The following TAB2 variants were observed in gnomAD, a reference collection of about 807,000 sequenced individuals.
TAB2 encodes TGF-beta activated kinase 1 (MAP3K7) binding protein 2, also known as TGF-beta-activated kinase 1 and MAP3K7-binding protein 2.
Under a neutral mutation model 65.0 loss-of-function variants are expected in TAB2, and 3 were observed. The observed-to-expected ratio is 0.05, with a 90% CI of 0.02 to 0.12. The LOEUF (loss-of-function observed/expected upper bound fraction) is 0.12, where lower values mean the gene tolerates loss of function less well. Among genes scored for constraint, TAB2 ranks in the 10% least tolerant of loss-of-function variants. TAB2 has a pLI of 1.00. For synonymous variants in TAB2, 298 were observed against 285.1 expected (o/e 1.05, Z -0.46); for missense variants, 623 against 840.3 (o/e 0.74, Z 3.20).
intron 1 of TAB2, among the ~76,000 whole-genome samples, chr6:149,309,294 C>G (rs1377483559): frequency 6.6e-6 from 1 of 152,106 alleles, no homozygotes; most frequent in Admixed American, 6.5e-5. Context: ...TTTACATATA[C>G]TTTTGCAAAC....
At chr6:149,328,105 T>A (rs185749568) in intron 1 of TAB2, among the ~76,000 whole-genome samples, 1 of 152,312 alleles carries the variant, frequency 6.6e-6, no homozygotes, top group East Asian at 1.9e-4. Flanking sequence ...GGTAGAAGAT[T>A]GAAGTGGTCA....
In TAB2 at chr6:149,403,265, TATATATATATATATATATACAC is replaced by T. The variant is rs1338312224; in HGVS notation, c.1939+4083_1939+4104del. 3.5e-3 allele frequency among the ~76,000 whole-genome samples: 156 copies of T among 45,012 alleles called. 10 individuals carry two copies. Among genetic ancestry groups the T allele is most frequent in the African/African-American group, 0.019 (144 of 7,492 alleles). The allele number at this position is 45,012 out of a possible 152,430, so 29.5% of individuals were successfully genotyped here. On this transcript the variant is annotated intron_variant, in intron 6 of 6. Coordinates refer to ENST00000637181, the MANE Select transcript of TAB2 (RefSeq NM_001292034.3). ...AAAAAAAAATATATATATATATATA[TATATATATATATATATATACAC>T]ACACACACATATATATATATATATA...
intron 2 of TAB2, among the ~76,000 whole-genome samples, chr6:149,375,717 A>C (rs1313047837): frequency 6.6e-6 from 1 of 152,210 alleles, no homozygotes; most frequent in Non-Finnish European, 1.5e-5. Context: ...AAAAGGGCCA[A>C]TCAGGTTTGG....
intron 1 of TAB2, among the ~76,000 whole-genome samples, chr6:149,356,834 G>A (rs751381222): frequency 5.3e-5 from 8 of 152,100 alleles, no homozygotes; most frequent in Non-Finnish European, 8.8e-5. Flanking sequence ...TTAGGATTTT[G>A]TTTTTGTTTG....
At chr6:149,305,598 GAA>G (rs796495585) in intron 1 of TAB2, among the ~76,000 whole-genome samples, 1 of 142,510 alleles carries the variant, frequency 7.0e-6, no homozygotes, top group South Asian at 2.2e-4. Flanking sequence ...GTAGTTCAAA[GAA>G]AAAAAAAAAC....
At chr6:149,300,929 C>T (rs1267650578) in intron 1 of TAB2, among the ~76,000 whole-genome samples, 4 of 152,174 alleles carry the variant, frequency 2.6e-5, no homozygotes, top group African/African-American at 9.7e-5. Context: ...TTCAACTTGG[C>T]AAAAATGAAC....
At chr6:149,315,290 TTTAA>T (rs1468141045), upstream of TAB2, among the ~76,000 whole-genome samples, 1 of 152,206 alleles carries the variant, frequency 6.6e-6, no homozygotes, top group East Asian at 1.9e-4. Flanking sequence ...TTCACCAATT[TTTAA>T]TTGTTTTATT....
At chr6:149,286,685 T>C (rs1412744382) in intron 1 of TAB2, among the ~76,000 whole-genome samples, 2 of 152,232 alleles carry the variant, frequency 1.3e-5, no homozygotes, top group Non-Finnish European at 2.9e-5. Flanking sequence ...GACTCAGTTA[T>C]CACAATAGGG....
In TAB2 at chr6:149,403,246, AAATATATAT is replaced by A. The variant is rs1409488037; in HGVS notation, c.1939+4064_1939+4072del. 1.5e-3 allele frequency among the ~76,000 whole-genome samples: 48 copies of A among 31,694 alleles called. 2 individuals are homozygous for A. The highest frequency in any genetic ancestry group is 7.3e-3 in the African/African-American group (41 of 5,604). 20.8% of individuals were successfully genotyped at this position (31,694 alleles called of 152,430 possible). On this transcript the variant is annotated intron_variant, in intron 6 of 6. Coordinates refer to ENST00000637181, the MANE Select transcript of TAB2 (RefSeq NM_001292034.3). ...CGAAACTCTTGTCTAAAAAAAAAAA[AAATATATAT>A]ATATATATATATATATATATATATA...
chr6:149,366,274 G>A (rs1006187914), intron 1 of TAB2, among the ~76,000 whole-genome samples: 1 of 152,180 alleles, frequency 6.6e-6, no homozygotes, highest in Non-Finnish European at 1.5e-5. Flanking sequence ...TACACTTAAA[G>A]TATAAGCTCT....
chr6:149,384,830 C>A (rs966274135), intron 3 of TAB2, among the ~76,000 whole-genome samples: 7 of 151,904 alleles, frequency 4.6e-5, no homozygotes, highest in Admixed American at 3.3e-4. Context: ...GAGAAAAAGG[C>A]CTACTTTCTT....
intron 1 of TAB2, among the ~76,000 whole-genome samples, chr6:149,248,111 G>A (rs889708620): frequency 2.6e-5 from 4 of 152,208 alleles, no homozygotes; most frequent in Non-Finnish European, 4.4e-5. Flanking sequence ...ACATTCTAAG[G>A]TCAGGCATGG....
Position 149,254,059 on chromosome 6 carries a change from G to GAGGAAGGAAGGAAGGAAGGAAGGA in TAB2, c.-121+35316_-121+35339dup, listed in dbSNP as rs202028741. Among the ~76,000 whole-genome samples the GAGGAAGGAAGGAAGGAAGGAAGGA allele has an allele frequency of 1.3e-4, 13 of 103,732 alleles. 1 individual carries two copies. In the East Asian group the frequency reaches 1.6e-3, roughly 13 times the overall value. The allele number at this position is 103,732 out of a possible 152,430, so 68.1% of individuals were successfully genotyped here. On this transcript the variant is annotated intron_variant, in intron 1 of 1. Coordinates refer to the TAB2 transcript ENST00000606202. Reference sequence around the variant, plus strand: ...AGAGAGAAAGAAAGAGGGAGAGAGGGAGGAAGGAAGGAAGGAAGGAAGGAA... The same window carrying GAGGAAGGAAGGAAGGAAGGAAGGA: ...AGAGAGAAAGAAAGAGGGAGAGAGGGAGGAAGGAAGGAAGGAAGGAAGGAAGGAAGGAAGGAAGGAAGGAAGGAA...
chr6:149,320,238 G>C (rs1019141551), intron 1 of TAB2, among the ~76,000 whole-genome samples: 1 of 152,040 alleles, frequency 6.6e-6, no homozygotes, highest in Non-Finnish European at 1.5e-5. Context: ...CACCACGCCC[G>C]GCTAATTTTT....
chr6:149,375,045 A>G (rs1464376919), intron 2 of TAB2, among the ~76,000 whole-genome samples: 5 of 152,242 alleles, frequency 3.3e-5, no homozygotes, highest in Admixed American at 3.3e-4. Flanking sequence ...ATATTAGGTG[A>G]TGCTAAGAAT....
chr6:149,371,087 A>C (rs1444212870), intron 2 of TAB2, among the ~76,000 whole-genome samples: 2 of 151,300 alleles, frequency 1.3e-5, no homozygotes, highest in African/African-American at 4.9e-5. Context: ...AAAAAAAAAA[A>C]AAAGTGTCCG....
chr6:149,270,732 A>G (rs956145852), intron 1 of TAB2, among the ~76,000 whole-genome samples: 7 of 152,232 alleles, frequency 4.6e-5, no homozygotes, highest in Non-Finnish European at 8.8e-5. Context: ...ACATGGCACC[A>G]GTGATGTATT....
At chr6:149,243,289 G>T (rs946577974) in intron 1 of TAB2, 1 of 152,198 alleles carries the variant, frequency 6.6e-6, no homozygotes, top group Non-Finnish European at 1.5e-5. Flanking sequence ...CTCTCCAGAC[G>T]TAAATGTTAT....
intron 1 of TAB2, among the ~76,000 whole-genome samples, chr6:149,263,353 AT>A (rs955033549): frequency 4.6e-5 from 7 of 152,096 alleles, no homozygotes; most frequent in Admixed American, 6.6e-5. Context: ...TATCGAAACA[AT>A]TTTTTTTACC....
Sources: gnomAD v4.1 joint callset for allele counts (sites outside exome capture counted in the v4.1 genomes callset) on GRCh38, gnomAD v4.1.1 for gene constraint, MANE v1.5 for transcripts, NCBI Gene and HGNC (gene_info 2026-07-23, HGNC 2026-07-21) for gene names.